RAI14: variants seen among roughly 807,000 people sequenced by gnomAD.
RAI14 encodes ankycorbin.
RAI14 carries 45 observed loss-of-function variants against 115.4 expected under a neutral mutation model. The observed-to-expected ratio is 0.39, with a 90% CI of 0.31 to 0.50. RAI14 has a LOEUF of 0.50. Ranked by LOEUF, RAI14 falls within the 20% of genes least tolerant of loss-of-function variation. The pLI, the probability that RAI14 is intolerant of heterozygous loss-of-function variation, is 0.85. For missense variants in RAI14, 939 were observed against 1,131.2 expected (o/e 0.83, Z 2.44); for synonymous variants, 371 against 415.4 (o/e 0.89, Z 1.30).
chr5:34,811,964 C>G lies in RAI14; in HGVS notation c.736+19C>G. The G allele has an allele frequency of 1.3e-6, 2 of 1,584,788 alleles. No individual in the cohort carries two copies. On this transcript the variant is annotated intron_variant, in intron 9 of 17. Coordinates refer to ENST00000265109, the MANE Select transcript of RAI14 (RefSeq NM_015577.3). Reference sequence around the variant, plus strand: ...GATGCTGGTATGTAAAAGAAAATAGCCAATGTTGTTTTAAGTTTATCCACT... The same window carrying G: ...GATGCTGGTATGTAAAAGAAAATAGGCAATGTTGTTTTAAGTTTATCCACT...
chr5:34,816,657 T>G (rs990219998), intron 12 of RAI14, among the ~76,000 whole-genome samples: 3 of 152,152 alleles, frequency 2.0e-5, no homozygotes, highest in Non-Finnish European at 4.4e-5. Flanking sequence ...TTAGAATTAT[T>G]AAAGATGTTT....
intron 3 of RAI14, among the ~76,000 whole-genome samples, chr5:34,788,368 A>C (rs1752560129): frequency 6.6e-6 from 1 of 152,256 alleles, no homozygotes; most frequent in South Asian, 2.1e-4. Flanking sequence ...CCATGATAAA[A>C]AATGTCTCCA....
intron 8 of RAI14, 98 bp downstream of exon 8, chr5:34,811,216 A>G: frequency 7.3e-7 from 1 of 1,377,454 alleles, no homozygotes; most frequent in Non-Finnish European, 1.0e-6. Flanking sequence ...CATTTGTTAT[A>G]AGGGATTTTT....
At chr5:34,771,367 AC>A (rs1301925205) in intron 3 of RAI14, among the ~76,000 whole-genome samples, 1 of 152,202 alleles carries the variant, frequency 6.6e-6, no homozygotes, top group Non-Finnish European at 1.5e-5. Flanking sequence ...GATCATGGTA[AC>A]AGACGCCCTG....
chr5:34,818,320 G>C (rs115359694), intron 12 of RAI14, among the ~76,000 whole-genome samples: 1,548 of 152,246 alleles, frequency 0.01, 30 homozygotes, highest in African/African-American at 0.031. Flanking sequence ...CCTTAGAAAA[G>C]TTAATAGTAA....
At chr5:34,723,264 G>GA (rs1012170487) in intron 2 of RAI14, among the ~76,000 whole-genome samples, 6 of 150,804 alleles carry the variant, frequency 4.0e-5, no homozygotes, top group Non-Finnish European at 7.4e-5. Context: ...TCTATAGAGA[G>GA]AAAAAAAAAG....
At chr5:34,752,599 C>A (rs937895324) in intron 2 of RAI14, among the ~76,000 whole-genome samples, 2 of 151,734 alleles carry the variant, frequency 1.3e-5, no homozygotes, top group African/African-American at 4.9e-5. Flanking sequence ...TTTCGAAATA[C>A]GCCTTTGCTT....
chr5:34,690,886 T>C (rs7721848), intron 2 of RAI14, among the ~76,000 whole-genome samples: 68,227 of 152,026 alleles, frequency 0.45, 17,542 homozygotes, highest in South Asian at 0.64. Flanking sequence ...TTGTTGTCTT[T>C]AAAAGGTTGA....
At chr5:34,807,971 A>T (rs1180734401) in intron 6 of RAI14, 114 bp downstream of exon 6, 6 of 827,596 alleles carry the variant, frequency 7.2e-6, no homozygotes, top group Non-Finnish European at 1.2e-5. Context: ...TTCTGTCATC[A>T]TTTCTAAACA....
intron 2 of RAI14, among the ~76,000 whole-genome samples, chr5:34,726,575 G>A (rs1284209218): frequency 6.6e-6 from 1 of 152,184 alleles, no homozygotes; most frequent in East Asian, 1.9e-4. Context: ...GGGACACAGA[G>A]CCAAACCATA....
chr5:34,702,925 C>G lies in RAI14; in HGVS notation c.36+15970C>G, dbSNP rs1740259912. ...TTCTCCATATTGGTCAGGCTTGTCT[C>G]GAACTCCTGACCTCAGGTGGTCCGC... On this transcript the variant is annotated intron_variant, in intron 2 of 17. Coordinates refer to ENST00000265109, the MANE Select transcript of RAI14 (RefSeq NM_015577.3). Among the ~76,000 whole-genome samples the G allele has an allele frequency of 2.0e-5, 3 of 152,272 alleles. No homozygotes were observed. The South Asian group carries it at 6.2e-4, about 32-fold the overall frequency.
chr5:34,772,481 C>A (rs1057393422), intron 3 of RAI14, among the ~76,000 whole-genome samples: 4 of 152,194 alleles, frequency 2.6e-5, no homozygotes, highest in African/African-American at 7.2e-5. Context: ...TTTACTCCAA[C>A]CCCTCACAGG....
At chr5:34,703,253 G>T (rs1740300332) in intron 2 of RAI14, among the ~76,000 whole-genome samples, 1 of 152,100 alleles carries the variant, frequency 6.6e-6, no homozygotes, top group East Asian at 1.9e-4. Context: ...AAATGCATAT[G>T]GTATACATCA....
chr5:34,699,490 C>T (rs1469965693), intron 2 of RAI14, among the ~76,000 whole-genome samples: 2 of 152,168 alleles, frequency 1.3e-5, no homozygotes, highest in Non-Finnish European at 2.9e-5. Flanking sequence ...CTTTGTATAG[C>T]GTTTTCCCTG....
At chr5:34,761,526 A>C (rs1368210050) in intron 3 of RAI14, among the ~76,000 whole-genome samples, 1 of 152,156 alleles carries the variant, frequency 6.6e-6, no homozygotes, top group African/African-American at 2.4e-5. Context: ...TGGAATCTAC[A>C]GTTGCCTGTC....
chr5:34,761,204 T>C (rs1748607137), intron 3 of RAI14, among the ~76,000 whole-genome samples: 1 of 152,194 alleles, frequency 6.6e-6, no homozygotes, highest in South Asian at 2.1e-4. Flanking sequence ...TGCATGTGTG[T>C]GAGACAGGGT....
chr5:34,728,584 G>A (rs1213715045), intron 2 of RAI14: 1 of 152,162 alleles, frequency 6.6e-6, no homozygotes, highest in Non-Finnish European at 1.5e-5. Context: ...GTCTTTGCCT[G>A]CTACCATGTG....
At chr5:34,745,605 ACT>A (rs895705026) in intron 2 of RAI14, among the ~76,000 whole-genome samples, 4 of 151,750 alleles carry the variant, frequency 2.6e-5, no homozygotes, top group South Asian at 2.1e-4. Context: ...TCTCTGCTTC[ACT>A]CTCTGTCTTT....
chr5:34,769,473 T>C (rs1749871711), intron 3 of RAI14, among the ~76,000 whole-genome samples: 1 of 152,200 alleles, frequency 6.6e-6, no homozygotes, highest in African/African-American at 2.4e-5. Flanking sequence ...ATTGTTAGGA[T>C]TGGCCTGCTG....
Sources: gnomAD v4.1 joint callset for allele counts (sites outside exome capture counted in the v4.1 genomes callset) on GRCh38, gnomAD v4.1.1 for gene constraint, MANE v1.5 for transcripts, NCBI Gene and HGNC (gene_info 2026-07-23, HGNC 2026-07-21) for gene names.